CACNA2D1: variants seen among roughly 807,000 people sequenced by gnomAD.
CACNA2D1 encodes voltage-dependent calcium channel subunit alpha-2/delta-1.
CACNA2D1 carries 53 observed loss-of-function variants against 171.5 expected under a neutral mutation model. That is an observed-to-expected ratio of 0.31 (90% CI 0.25 to 0.39). CACNA2D1 has a LOEUF of 0.39. Ranked by LOEUF, CACNA2D1 falls within the 10% of genes least tolerant of loss-of-function variation. CACNA2D1 has a pLI of 1.00. For missense variants in CACNA2D1, 903 were observed against 1,299.8 expected (o/e 0.69, Z 4.69); for synonymous variants, 442 against 443.1 (o/e 1.00, Z 0.03).
chr7:82,162,010 G>C (rs1303750813), intron 4 of CACNA2D1, among the ~76,000 whole-genome samples: 1 of 152,172 alleles, frequency 6.6e-6, no homozygotes, highest in East Asian at 1.9e-4. Context: ...GATAACTAAA[G>C]AAGTGTTTGA....
chr7:82,007,725 G>T lies in CACNA2D1; in HGVS notation c.1394C>A (p.Pro465Gln). Residue 465 changes from proline (P) to glutamine (Q), a missense_variant, in exon 16 of 39, where the codon CCG (proline) becomes CAG (glutamine). This residue lies in a region of CACNA2D1 where 623 missense variants were observed against 925.5 expected (regional missense o/e 0.67). Coordinates refer to ENST00000356860, the MANE Select transcript of CACNA2D1 (RefSeq NM_000722.4). ...AAATTGGCCGGTTATGTTGAAGACCGGAAGAGTTCCAGTAATGACAAGTCC... is the reference window on the plus strand; with the variant it reads ...AAATTGGCCGGTTATGTTGAAGACCTGAAGAGTTCCAGTAATGACAAGTCC... The part of the protein sequence containing the change: ...ELGLVITGTL[P>Q]VFNITGQFEN... 2 of 1,600,678 alleles carry T rather than the reference G, an allele frequency of 1.2e-6. No homozygotes were observed. Among genetic ancestry groups the T allele is most frequent in the Non-Finnish European group, 1.7e-6 (2 of 1,168,276 alleles).
intron 3 of CACNA2D1, among the ~76,000 whole-genome samples, chr7:82,252,997 C>T (rs968733322): frequency 1.3e-5 from 2 of 151,942 alleles, no homozygotes; most frequent in Admixed American, 6.6e-5. Flanking sequence ...GTGGAGAAAG[C>T]CCAATTTTAA....
intron 3 of CACNA2D1, among the ~76,000 whole-genome samples, chr7:82,266,762 C>A (rs949302845): frequency 6.6e-6 from 1 of 152,098 alleles, no homozygotes; most frequent in Non-Finnish European, 1.5e-5. Flanking sequence ...GGTGATCCGC[C>A]CACCTCTGCC....
At chr7:82,018,436 T>C (rs1467244370) in intron 12 of CACNA2D1, among the ~76,000 whole-genome samples, 1 of 152,186 alleles carries the variant, frequency 6.6e-6, no homozygotes, top group African/African-American at 2.4e-5. Flanking sequence ...ACTGGGCTAT[T>C]AGTGTCTTGC....
intron 4 of CACNA2D1, among the ~76,000 whole-genome samples, chr7:82,155,041 T>C (rs1017362560): frequency 6.6e-6 from 1 of 152,004 alleles, no homozygotes; most frequent in African/African-American, 2.4e-5. Flanking sequence ...GTGTAAAGTG[T>C]GTGGCACCTC....
At chr7:82,050,965 G>A (rs1006825040) in intron 10 of CACNA2D1, 3 of 274,742 alleles carry the variant, frequency 1.1e-5, no homozygotes, top group Non-Finnish European at 2.1e-5. Context: ...GTCCATCTAA[G>A]AGACAGGGTT....
In CACNA2D1 at chr7:82,027,835, A is replaced by T. The variant is rs534964899; in HGVS notation, c.1143+4962T>A. 2.0e-5 allele frequency: 3 copies of T among 151,850 alleles called. No individual in the cohort carries two copies. In the South Asian group the frequency reaches 6.2e-4, roughly 31 times the overall value. The allele number at this position is 151,850 out of a possible 1,614,324, so 9.4% of individuals were successfully genotyped here. A position where few individuals can be genotyped will look rare whatever the true frequency, so the allele number is the denominator to read the frequency against. The stretch of plus-strand genomic sequence containing the variant: ...CTGATACAGTGAATATAGTGATATC[A>T]TACTGTTATATTCAGTGGTCCCTGA... On this transcript the variant is annotated intron_variant, in intron 12 of 38. Transcript: ENST00000356860.
At chr7:82,053,637 C>T (rs548608687) in intron 10 of CACNA2D1, among the ~76,000 whole-genome samples, 2 of 152,186 alleles carry the variant, frequency 1.3e-5, no homozygotes, top group South Asian at 2.1e-4. Context: ...ACCAGTAATA[C>T]GTATCTCCAG....
At chr7:82,027,791 G>A (rs1212433372) in intron 12 of CACNA2D1, 1 of 151,620 alleles carries the variant, frequency 6.6e-6, no homozygotes, top group Non-Finnish European at 1.5e-5. Flanking sequence ...TATTACATCT[G>A]TTATAGTGAT....
intron 1 of CACNA2D1, among the ~76,000 whole-genome samples, chr7:82,412,364 C>A (rs1197344491): frequency 1.3e-5 from 2 of 148,568 alleles, no homozygotes; most frequent in Admixed American, 6.8e-5. Context: ...CTCACTGCAA[C>A]CTTTGCCTCC....
chr7:82,158,487 G>C (rs1794601171), intron 4 of CACNA2D1, among the ~76,000 whole-genome samples: 1 of 147,962 alleles, frequency 6.8e-6, no homozygotes, highest in Non-Finnish European at 1.5e-5. Flanking sequence ...AAAAAAAAAA[G>C]AAAGTAAATT....
intron 9 of CACNA2D1, among the ~76,000 whole-genome samples, chr7:82,062,973 C>T (rs2128979213): frequency 6.6e-6 from 1 of 152,042 alleles, no homozygotes; most frequent in Middle Eastern, 3.4e-3. Context: ...TCTCAAACTC[C>T]TCGGCTTAAG....
intron 1 of CACNA2D1, among the ~76,000 whole-genome samples, chr7:82,375,644 T>C (rs767393264): frequency 6.6e-6 from 1 of 152,232 alleles, no homozygotes; most frequent in Non-Finnish European, 1.5e-5. Context: ...ATTTTTTTAT[T>C]ACAAAGTTAA....
chr7:82,404,619 T>C (rs2129452597), intron 1 of CACNA2D1, among the ~76,000 whole-genome samples: 1 of 152,328 alleles, frequency 6.6e-6, no homozygotes, highest in South Asian at 2.1e-4. Context: ...AGAATTTTGT[T>C]TAAAGCAAAA....
At chr7:81,967,510 T>C (rs1311122175) in intron 30 of CACNA2D1, 86 bp downstream of exon 30, 7 of 728,780 alleles carry the variant, frequency 9.6e-6, no homozygotes, top group Non-Finnish European at 1.7e-5. Flanking sequence ...AGAATGTATT[T>C]GCCACTGTAT....
chr7:82,232,465 A>G (rs1008074563), intron 3 of CACNA2D1, among the ~76,000 whole-genome samples: 6 of 152,206 alleles, frequency 3.9e-5, no homozygotes, highest in Non-Finnish European at 8.8e-5. Flanking sequence ...AGTTGAAAAT[A>G]GATCATATGC....
intron 5 of CACNA2D1, among the ~76,000 whole-genome samples, chr7:82,130,937 C>T (rs1301071406): frequency 1.3e-5 from 2 of 151,618 alleles, no homozygotes; most frequent in Non-Finnish European, 2.9e-5. Context: ...GCTGAGACTA[C>T]AGGCGCCCGC....
At chr7:82,103,892 C>G (rs1290867421) in intron 6 of CACNA2D1, among the ~76,000 whole-genome samples, 1 of 151,840 alleles carries the variant, frequency 6.6e-6, no homozygotes, top group African/African-American at 2.4e-5. Flanking sequence ...CTTAACTGAA[C>G]TTTATTTAAA....
At chr7:82,031,274 C>A (rs1248967529) in intron 12 of CACNA2D1, among the ~76,000 whole-genome samples, 1 of 151,882 alleles carries the variant, frequency 6.6e-6, no homozygotes, top group African/African-American at 2.4e-5. Context: ...TCAGGGACAT[C>A]TTCCAGGTGG....
Sources: allele counts gnomAD v4.1 joint callset (sites outside exome capture counted in the v4.1 genomes callset), GRCh38; gene constraint gnomAD v4.1.1; regional missense constraint gnomAD v4.1.1; transcripts MANE v1.5; gene names NCBI Gene and HGNC (gene_info 2026-07-23, HGNC 2026-07-21).